NBAS: variants seen among roughly 807,000 people sequenced by gnomAD.
NBAS encodes NBAS subunit of NRZ tethering complex, also known as NAG/BC035112 fusion.
Under a neutral mutation model 302.5 loss-of-function variants are expected in NBAS, and 219 were observed. That is an observed-to-expected ratio of 0.72 (90% CI 0.65 to 0.81). NBAS has a LOEUF of 0.81. NBAS is among the 30% of genes least tolerant of loss of function. The pLI is 0.00. For synonymous variants in NBAS, 1,118 were observed against 1,021.6 expected (o/e 1.09, Z -1.80); for missense variants, 2,932 against 2,841.6 (o/e 1.03, Z -0.72).
Position 15,475,832 on chromosome 2 carries a change from C to T in NBAS, c.1196G>A (p.Ser399Asn). The T allele has an allele frequency of 6.2e-7, 1 of 1,614,008 alleles. No individual in the cohort carries two copies. Among genetic ancestry groups the T allele is most frequent in the Non-Finnish European group, 8.5e-7 (1 of 1,179,936 alleles). ...AGAGCATCGAGCTAAAGTCACTGCA[C>T]TGTCTGCCCACCAATTGACATCTAT... ...PLIDVNWWAD[S>N]AVTLARCSGA... is the part of the protein sequence containing the mutation. The change falls in exon 14 of 52, where the codon AGT (serine) becomes AAT (asparagine). Residue 399 changes from serine to asparagine, a missense_variant. Transcript: ENST00000281513.
At chr2:15,034,252 G>GAAAGAAAGAAAC in the NBAS span, among the ~76,000 whole-genome samples, 1 of 94,236 alleles carries the variant, frequency 1.1e-5, no homozygotes, top group Non-Finnish European at 2.2e-5. Context: ...AAGAAAGAAA[G>GAAAGAAAGAAAC]AAAGAAAGAA....
chr2:15,202,189 A>G (rs1187203478), intron 48 of NBAS, among the ~76,000 whole-genome samples: 1 of 152,234 alleles, frequency 6.6e-6, no homozygotes, highest in Admixed American at 6.5e-5. Context: ...ATCCGTGGGT[A>G]CAGAAACATA....
chr2:14,798,628 T>C, the NBAS span, among the ~76,000 whole-genome samples: 4 of 152,152 alleles, frequency 2.6e-5, no homozygotes, highest in African/African-American at 9.6e-5. Flanking sequence ...TTTAATTTTC[T>C]GGAACAGTTG....
chr2:15,555,189 T>C (rs541938043), intron 3 of NBAS, among the ~76,000 whole-genome samples: 12 of 151,244 alleles, frequency 7.9e-5, no homozygotes, highest in Non-Finnish European at 1.2e-4. Context: ...AGTTTAAAGC[T>C]ACAGTGTACC....
At chr2:15,114,060 T>A in the NBAS span, among the ~76,000 whole-genome samples, 1 of 152,084 alleles carries the variant, frequency 6.6e-6, no homozygotes, top group Non-Finnish European at 1.5e-5. Flanking sequence ...AATATTAAAT[T>A]ACAGGAATCA....
chr2:15,050,685 T>C, the NBAS span, among the ~76,000 whole-genome samples: 2 of 152,292 alleles, frequency 1.3e-5, no homozygotes, highest in South Asian at 2.1e-4. Flanking sequence ...TGAGAAGGGT[T>C]TGTGCAAATA....
At chr2:15,203,812 A>G (rs1665992630) in intron 48 of NBAS, among the ~76,000 whole-genome samples, 1 of 151,952 alleles carries the variant, frequency 6.6e-6, no homozygotes, top group Non-Finnish European at 1.5e-5. Flanking sequence ...CCTAACTACT[A>G]ATAAGTGAAT....
intron 36 of NBAS, among the ~76,000 whole-genome samples, chr2:15,329,682 C>A (rs953138063): frequency 2.6e-5 from 4 of 152,278 alleles, no homozygotes; most frequent in South Asian, 4.1e-4. Context: ...TCAGCTCAGA[C>A]CACACTGGCC....
intron 21 of NBAS, among the ~76,000 whole-genome samples, chr2:15,452,991 T>C (rs547119424): frequency 3.3e-5 from 5 of 152,214 alleles, no homozygotes; most frequent in Admixed American, 3.3e-4. Context: ...CAGGATACTA[T>C]GACATCTGCA....
At chr2:14,809,188 G>A in the NBAS span, among the ~76,000 whole-genome samples, 1 of 152,206 alleles carries the variant, frequency 6.6e-6, no homozygotes, top group Non-Finnish European at 1.5e-5. Context: ...AGAAATTCAA[G>A]CTGGTTGCAG....
intron 21 of NBAS, among the ~76,000 whole-genome samples, chr2:15,448,218 C>T (rs1678842875): frequency 6.6e-6 from 1 of 152,152 alleles, no homozygotes; most frequent in Non-Finnish European, 1.5e-5. Context: ...TTTGCAAGCC[C>T]TTTTAGCGTA....
chr2:15,080,411 C>T, the NBAS span, among the ~76,000 whole-genome samples: 4 of 152,206 alleles, frequency 2.6e-5, no homozygotes, highest in African/African-American at 9.6e-5. Context: ...TCTCCAGAAA[C>T]ATTGTCCTTG....
intron 30 of NBAS, among the ~76,000 whole-genome samples, chr2:15,376,597 T>A (rs984009021): frequency 2.1e-4 from 32 of 152,088 alleles, no homozygotes; most frequent in African/African-American, 7.7e-4. Context: ...ATATCACCTG[T>A]GTGGGGGGAA....
At chr2:15,307,104 C>G in intron 40 of NBAS, among the ~76,000 whole-genome samples, 1 of 152,174 alleles carries the variant, frequency 6.6e-6, no homozygotes. Context: ...AGGTGGGGAT[C>G]TAAAGGGGAC....
the NBAS span, among the ~76,000 whole-genome samples, chr2:15,015,389 A>G: frequency 6.6e-6 from 1 of 152,172 alleles, no homozygotes; most frequent in African/African-American, 2.4e-5. Flanking sequence ...AAAATCCTCA[A>G]CAAAATACTA....
the NBAS span, among the ~76,000 whole-genome samples, chr2:14,993,219 G>A: frequency 6.6e-6 from 1 of 152,096 alleles, no homozygotes; most frequent in Non-Finnish European, 1.5e-5. Flanking sequence ...TTTTACACAT[G>A]AGAAAAATGG....
At chr2:15,406,972 A>C (rs1226617557) in intron 25 of NBAS, among the ~76,000 whole-genome samples, 3 of 152,150 alleles carry the variant, frequency 2.0e-5, no homozygotes, top group African/African-American at 7.2e-5. Flanking sequence ...ACTAAAGAAA[A>C]ATTTGGCTAC....
At chr2:15,318,928 C>T (rs1671650969) in intron 38 of NBAS, among the ~76,000 whole-genome samples, 1 of 152,160 alleles carries the variant, frequency 6.6e-6, no homozygotes, top group Admixed American at 6.5e-5. Context: ...CTCTCCACCC[C>T]AAATCAACAG....
the NBAS span, among the ~76,000 whole-genome samples, chr2:14,792,743 T>G: frequency 6.6e-6 from 1 of 151,372 alleles, no homozygotes; most frequent in Non-Finnish European, 1.5e-5. Context: ...AGAATACAAT[T>G]AAAAAATCAT....
Sources: allele counts gnomAD v4.1 joint callset (sites outside exome capture counted in the v4.1 genomes callset), GRCh38; gene constraint gnomAD v4.1.1; transcripts MANE v1.5; gene names NCBI Gene and HGNC (gene_info 2026-07-23, HGNC 2026-07-21).